The following PEX13 variants were observed in gnomAD, a reference collection of about 807,000 sequenced individuals.
The protein encoded by PEX13 is peroxisome biogenesis factor 13.
A neutral mutation model predicts 34.5 loss-of-function variants in PEX13; 28 were observed. The observed-to-expected ratio is 0.81, with a 90% confidence interval of 0.60 to 1.11. The LOEUF is 1.11. Ranked by LOEUF, PEX13 falls within the 50% of genes most tolerant of loss-of-function variation. PEX13 has a pLI of 0.00. For synonymous variants in PEX13, 177 were observed against 175.1 expected (o/e 1.01, Z -0.09); for missense variants, 550 against 491.0 (o/e 1.12, Z -1.13).
chr2:61,033,595 A>G (rs1298933890), intron 2 of PEX13, among the ~76,000 whole-genome samples: 1 of 152,232 alleles, frequency 6.6e-6, no homozygotes, highest in Non-Finnish European at 1.5e-5. Context: ...ATAGTAAGCC[A>G]GAAGGTACTG....
intron 2 of PEX13, among the ~76,000 whole-genome samples, chr2:61,037,754 C>T (rs1680559483): frequency 1.3e-5 from 2 of 152,092 alleles, no homozygotes; most frequent in Non-Finnish European, 2.9e-5. Context: ...CAAGACATAA[C>T]TAAGATCAGA....
rs970790545 is a variant in PEX13, at chr2:61,051,399, C to G, written c.*2629C>G. 6.6e-6 allele frequency: 1 copy of G among 152,256 alleles called. No homozygotes were observed. The highest frequency in any genetic ancestry group is 2.4e-5 in the African/African-American group (1 of 41,424). The allele number at this position is 152,256 out of a possible 1,614,324, so 9.4% of individuals were successfully genotyped here. On this transcript the variant is annotated 3_prime_UTR_variant, in exon 4 of 4. Transcript: ENST00000295030. ...GATGTATAGGGAGAAGAGTACAGCA[C>G]AAAGTGATAAAATAGTGACACTTTT...
chr2:61,045,647 G>A (rs1447007557), intron 2 of PEX13, 79 bp from the exon 3 acceptor site: 2 of 1,327,430 alleles, frequency 1.5e-6, no homozygotes, highest in South Asian at 1.2e-5. Flanking sequence ...AATTTATGCA[G>A]TTTGCAAGCC....
At chr2:61,033,988 GT>G (rs373392064) in intron 2 of PEX13, among the ~76,000 whole-genome samples, 1 of 149,148 alleles carries the variant, frequency 6.7e-6, no homozygotes, top group African/African-American at 2.4e-5. Context: ...TTTTTGTTTT[GT>G]TTTTTGTTTT....
chr2:61,017,965 C>G (rs972191788), intron 1 of PEX13, 114 bp downstream of exon 1: 7 of 1,343,924 alleles, frequency 5.2e-6, no homozygotes, highest in Non-Finnish European at 7.2e-6. Context: ...TAACCAATAC[C>G]CAACCTTGGG....
intron 2 of PEX13, among the ~76,000 whole-genome samples, chr2:61,044,382 G>A (rs1680672969): frequency 6.6e-6 from 1 of 152,176 alleles, no homozygotes; most frequent in East Asian, 1.9e-4. Flanking sequence ...GATTCAAGCT[G>A]AGACTATAGG....
Position 61,051,208 on chromosome 2 carries a change from T to A in PEX13, c.*2438T>A, listed in dbSNP as rs1167440626. 6.6e-6 allele frequency: 1 copy of A among 152,352 alleles called. No individual in the cohort carries two copies. The highest frequency in any genetic ancestry group is 1.5e-5 in the Non-Finnish European group (1 of 68,042). The allele number at this position is 152,352 out of a possible 1,614,324, so 9.4% of individuals were successfully genotyped here. A position where few individuals can be genotyped will look rare whatever the true frequency, so the allele number is the denominator to read the frequency against. On this transcript the variant is annotated 3_prime_UTR_variant, in exon 4 of 4. Transcript: ENST00000295030. ...TTGAAGAGATAAGGTTTCTTGTATA[T>A]TATTTTTCATTTGTGTTCTACAATT... is the stretch of plus-strand genomic sequence containing the variant.
At chr2:61,042,676 A>G (rs762361284) in intron 2 of PEX13, among the ~76,000 whole-genome samples, 7 of 152,198 alleles carry the variant, frequency 4.6e-5, no homozygotes, top group Non-Finnish European at 7.3e-5. Context: ...ATAAAAATAA[A>G]ATAAAATGAG....
intron 2 of PEX13, among the ~76,000 whole-genome samples, chr2:61,040,796 A>G (rs983830712): frequency 6.8e-6 from 1 of 147,978 alleles, no homozygotes. Context: ...AAAGTATAGT[A>G]TATATAAGTA....
rs139478058 is a variant in PEX13, at chr2:61,029,259, C to T, written c.93-2160C>T. ...TGAAAATATGCTCAACATCATTAGCCGTCAAGAAAATGCAAATTAAAACCA... is the reference window on the plus strand; with the variant it reads ...TGAAAATATGCTCAACATCATTAGCTGTCAAGAAAATGCAAATTAAAACCA... On this transcript the variant is annotated intron_variant, in intron 1 of 3. Coordinates refer to ENST00000295030, the MANE Select transcript of PEX13 (RefSeq NM_002618.4). 2.8e-3 allele frequency among the ~76,000 whole-genome samples: 423 copies of T among 152,134 alleles called. 1 individual carries two copies. Among genetic ancestry groups the T allele is most frequent in the African/African-American group, 9.5e-3 (394 of 41,490 alleles).
At position 61,031,823 on chromosome 2, in the gene PEX13, A is replaced by T; in HGVS notation, c.497A>T (p.Asn166Ile). The change falls in exon 2 of 4, where the codon AAT becomes ATT. Residue 166 changes from asparagine (N) to isoleucine (I), a missense_variant. Physicochemically the swap from Asn to Ile is moderately radical, Grantham distance 149 (BLOSUM62 -3). Transcript: ENST00000295030. ...NSFRAVLDVA[N>I]HFSRLKIHFT... ...TTCAGGGCTGTATTGGATGTAGCAA[A>T]TCACTTTTCCCGATTGAAAATACAC... 6.2e-7 allele frequency: 1 copy of T among 1,613,758 alleles called. No homozygotes were observed. Among genetic ancestry groups the T allele is most frequent in the Non-Finnish European group, 8.5e-7 (1 of 1,179,608 alleles).
rs1327395082 is a variant in PEX13 at position 61,046,835 on chromosome 2, G to A, written c.913+984G>A. On this transcript the variant is annotated intron_variant, in intron 3 of 3. Transcript: ENST00000295030. ...TTTTTGGTTTTAGTCATTTTTTGCA[G>A]GGAAGAAATACTTTCAATGTTCAAA... 2.6e-5 allele frequency among the ~76,000 whole-genome samples: 4 copies of A among 152,206 alleles called. No homozygotes were observed. In the South Asian group the frequency reaches 6.2e-4, roughly 24 times the overall value.
intron 1 of PEX13, among the ~76,000 whole-genome samples, chr2:61,024,977 AGTT>A (rs1301078611): frequency 2.0e-5 from 3 of 152,168 alleles, no homozygotes; most frequent in Non-Finnish European, 4.4e-5. Context: ...TATTCAACAC[AGTT>A]GTTTAAAGTT....
chr2:61,018,465 C>A, intron 1 of PEX13: 1 of 781,626 alleles, frequency 1.3e-6, no homozygotes, highest in Non-Finnish European at 1.9e-6. Flanking sequence ...TTTCTGAGGC[C>A]TGTATTTTTT....
intron 1 of PEX13, chr2:61,018,300 G>A: frequency 1.3e-6 from 2 of 1,549,778 alleles, no homozygotes; most frequent in Non-Finnish European, 8.7e-7. Flanking sequence ...AAGCCGGAAA[G>A]GTTTTACGCA....
intron 2 of PEX13, among the ~76,000 whole-genome samples, chr2:61,036,607 C>G (rs1308298600): frequency 6.6e-6 from 1 of 152,170 alleles, no homozygotes. Flanking sequence ...GCCTGCCTTA[C>G]AAAAGCTTCT....
Position 61,031,882 on chromosome 2 carries a change from A to G in PEX13, c.556A>G (p.Arg186Gly). 2 of 1,613,456 alleles carry G rather than the reference A, an allele frequency of 1.2e-6. No homozygotes were observed. The highest frequency in any genetic ancestry group is 1.7e-6 in the Non-Finnish European group (2 of 1,179,344). ...AGTGTTTTCAGCTTTTGCATTGGTT[A>G]GGACTATACGGTATCTTTACAGACG... ...TKVFSAFALVRTIRYLYRRLQ... is the reference protein window; with the variant it reads ...TKVFSAFALVGTIRYLYRRLQ... Residue 186 changes from arginine to glycine, a missense_variant, in exon 2 of 4, where the codon AGG becomes GGG. By Grantham distance (125) the Arg-to-Gly change is moderately radical (BLOSUM62 -2). Coordinates refer to ENST00000295030, the MANE Select transcript of PEX13 (RefSeq NM_002618.4).
At chr2:61,020,190 C>T (rs1217581573) in intron 1 of PEX13, among the ~76,000 whole-genome samples, 2 of 152,198 alleles carry the variant, frequency 1.3e-5, no homozygotes, top group Non-Finnish European at 2.9e-5. Context: ...CACGCCACTG[C>T]ACTGCAGCCT....
intron 1 of PEX13, among the ~76,000 whole-genome samples, chr2:61,024,887 A>T (rs951281202): frequency 1.3e-5 from 2 of 152,182 alleles, no homozygotes; most frequent in African/African-American, 4.8e-5. Context: ...TTAGTTGTAG[A>T]ATCTTCATTT....
Sources: allele counts gnomAD v4.1 joint callset (sites outside exome capture counted in the v4.1 genomes callset), GRCh38; gene constraint gnomAD v4.1.1; transcripts MANE v1.5; gene names NCBI Gene and HGNC (gene_info 2026-07-23, HGNC 2026-07-21).